The following USO1 variants were observed in gnomAD, a reference collection of about 807,000 sequenced individuals.
USO1 encodes the protein USO1 vesicle transport factor.
In USO1, 57 loss-of-function variants were observed where a neutral mutation model predicts 124.5. The observed-to-expected ratio is 0.46, with a 90% CI of 0.37 to 0.57. The LOEUF (loss-of-function observed/expected upper bound fraction) is 0.57. USO1 is among the 20% of genes least tolerant of loss of function. USO1 has a pLI of 0.00. For synonymous variants in USO1, 369 were observed against 362.8 expected (o/e 1.02, Z -0.19); for missense variants, 900 against 1,040.6 (o/e 0.86, Z 1.86).
intron 22 of USO1, 142 bp from the exon 23 acceptor site, chr4:75,812,018 C>T: frequency 8.0e-7 from 1 of 1,248,916 alleles, no homozygotes; most frequent in Non-Finnish European, 1.1e-6. Context: ...TGTGTTAAAC[C>T]TCCTGTACCC....
chr4:75,756,215 T>G, intron 3 of USO1, among the ~76,000 whole-genome samples: 1 of 145,748 alleles, frequency 6.9e-6, no homozygotes. Flanking sequence ...GAAGAGGAAG[T>G]CAGAGTGTAG....
chr4:75,730,992 C>A (rs914674719), intron 1 of USO1, among the ~76,000 whole-genome samples: 1 of 152,114 alleles, frequency 6.6e-6, no homozygotes, highest in African/African-American at 2.4e-5. Context: ...AGACATGTTT[C>A]ATTATGACCC....
chr4:75,790,876 T>G, intron 12 of USO1, 79 bp downstream of exon 12: 1 of 1,404,884 alleles, frequency 7.1e-7, no homozygotes, highest in Non-Finnish European at 9.3e-7. Flanking sequence ...TTTCTTTTTA[T>G]GCTTTAGCCT....
At chr4:75,768,508 T>C (rs1310618720) in intron 4 of USO1, among the ~76,000 whole-genome samples, 2 of 152,268 alleles carry the variant, frequency 1.3e-5, no homozygotes. Flanking sequence ...CTTTCTAAGC[T>C]TACTTATTAG....
chr4:75,805,017 T>G, intron 18 of USO1, 123 bp from the exon 19 acceptor site: 1 of 1,280,828 alleles, frequency 7.8e-7, no homozygotes, highest in Non-Finnish European at 1.0e-6. Context: ...AAAGATGAAA[T>G]GTGATTGCAA....
chr4:75,787,287 C>T, intron 10 of USO1, 85 bp downstream of exon 10: 1 of 1,350,400 alleles, frequency 7.4e-7, no homozygotes. Flanking sequence ...GAAGGAAAAA[C>T]TACAATAGTT....
At chr4:75,760,912 C>G (rs1312177388) in intron 4 of USO1, among the ~76,000 whole-genome samples, 1 of 152,120 alleles carries the variant, frequency 6.6e-6, no homozygotes, top group Admixed American at 6.5e-5. Context: ...TTTGGGAGGC[C>G]AAGGCGGGCA....
At chr4:75,809,661 T>A (rs576943013) in intron 21 of USO1, among the ~76,000 whole-genome samples, 5 of 152,230 alleles carry the variant, frequency 3.3e-5, no homozygotes, top group Non-Finnish European at 7.3e-5. Context: ...CCCAGTAACA[T>A]GTTCCTAGTT....
chr4:75,805,709 TAAA>T (rs74838987), intron 19 of USO1, among the ~76,000 whole-genome samples: 3 of 117,788 alleles, frequency 2.5e-5, no homozygotes, highest in African/African-American at 3.1e-5. Context: ...ACTTTCCATC[TAAA>T]AAAAAAAAAA....
At chr4:75,726,579 A>AT (rs1020237936) in intron 1 of USO1, among the ~76,000 whole-genome samples, 1 of 151,824 alleles carries the variant, frequency 6.6e-6, no homozygotes, top group Non-Finnish European at 1.5e-5. Context: ...AAAAAAAAAA[A>AT]AATAACTGCG....
intron 10 of USO1, among the ~76,000 whole-genome samples, chr4:75,787,480 T>C (rs924483156): frequency 1.3e-5 from 2 of 152,120 alleles, no homozygotes; most frequent in African/African-American, 4.8e-5. Context: ...TCAACAGGAG[T>C]GCACAGTATG....
intron 4 of USO1, among the ~76,000 whole-genome samples, chr4:75,761,499 A>C (rs1721606352): frequency 6.6e-6 from 1 of 152,240 alleles, no homozygotes; most frequent in Non-Finnish European, 1.5e-5. Flanking sequence ...ATATTCAGTA[A>C]GAACTGGAAG....
In USO1 at chr4:75,724,853, A is replaced by C; in HGVS notation, c.34A>C (p.Ser12Arg). Residue 12 changes from serine (S) to arginine (R), a missense_variant, in exon 1 of 24, where the codon AGT becomes CGT. By Grantham distance (110) the Ser-to-Arg change is moderately radical. This residue lies in a region of USO1 where 538 missense variants were observed against 681.6 expected (regional missense o/e 0.79). Transcript: ENST00000514213. ...NFLRGVMGGQ[S>R]AGPQHTEAET... The stretch of plus-strand genomic sequence containing the variant: ...CCTCCGCGGGGTAATGGGGGGTCAG[A>C]GTGCCGGACCCCAGCACACAGAAGC... 3 of 1,613,638 alleles carry C rather than the reference A, an allele frequency of 1.9e-6. 1 individual carries two copies. The highest frequency in any genetic ancestry group is 2.5e-6 in the Non-Finnish European group (3 of 1,179,736).
intron 21 of USO1, among the ~76,000 whole-genome samples, chr4:75,809,868 C>G (rs1199503047): frequency 6.6e-6 from 1 of 152,222 alleles, no homozygotes; most frequent in South Asian, 2.1e-4. Flanking sequence ...ACCTCTCTTA[C>G]AGCCTCTACT....
chr4:75,794,922 A>C (rs1385753266), intron 13 of USO1, among the ~76,000 whole-genome samples: 1 of 152,092 alleles, frequency 6.6e-6, no homozygotes, highest in Non-Finnish European at 1.5e-5. Context: ...AACTATCCCA[A>C]ATTTTTATGT....
intron 1 of USO1, among the ~76,000 whole-genome samples, chr4:75,751,972 G>A (rs1451726106): frequency 6.6e-6 from 1 of 151,954 alleles, no homozygotes; most frequent in African/African-American, 2.4e-5. Context: ...GAAAATGTTA[G>A]GAAAAAGATG....
At chr4:75,749,589 T>C (rs1452279000) in intron 1 of USO1, among the ~76,000 whole-genome samples, 1 of 151,680 alleles carries the variant, frequency 6.6e-6, no homozygotes, top group Non-Finnish European at 1.5e-5. Flanking sequence ...TGTAGAGACA[T>C]GGTCTCACTA....
At chr4:75,813,048 G>A (rs945095611) in intron 23 of USO1, among the ~76,000 whole-genome samples, 158 bp from the exon 24 acceptor site, 1 of 151,996 alleles carries the variant, frequency 6.6e-6, no homozygotes, top group African/African-American at 2.4e-5. Context: ...GGCAGGCAGA[G>A]GTTGCAGTGA....
At chr4:75,798,941 T>A (rs1722765594) in intron 13 of USO1, among the ~76,000 whole-genome samples, 1 of 152,152 alleles carries the variant, frequency 6.6e-6, no homozygotes, top group African/African-American at 2.4e-5. Flanking sequence ...GTATTAAAAT[T>A]TTGAAAACTA....
Sources: gnomAD v4.1 joint callset for allele counts (sites outside exome capture counted in the v4.1 genomes callset) on GRCh38, gnomAD v4.1.1 for gene constraint, gnomAD v4.1.1 regional missense constraint, MANE v1.5 for transcripts, NCBI Gene and HGNC (gene_info 2026-07-23, HGNC 2026-07-21) for gene names.